Variants in DCLK1 observed in about 807,000 individuals in gnomAD.
The protein encoded by DCLK1 is doublecortin like kinase 1, also known as serine/threonine-protein kinase DCLK1.
DCLK1 carries 16 observed loss-of-function variants against 86.2 expected under a neutral mutation model. The ratio of observed to expected loss-of-function variants is 0.19; its 90% CI spans 0.13 to 0.28. The LOEUF is 0.28. Among genes scored for constraint, DCLK1 ranks in the 10% least tolerant of loss-of-function variants. DCLK1 has a pLI of 1.00. For missense variants in DCLK1, 590 were observed against 940.2 expected, an observed-to-expected ratio of 0.63 and a Z score of 4.87; for synonymous variants, 369 against 370.5, an observed-to-expected ratio of 1.00 and a Z score of 0.05.
chr13:36,094,455 C>T (rs1884934460), intron 3 of DCLK1, among the ~76,000 whole-genome samples: 1 of 152,174 alleles, frequency 6.6e-6, no homozygotes, highest in Non-Finnish European at 1.5e-5. Context: ...GAGCTATCAG[C>T]TGTTGGTGTT....
chr13:35,863,123 G>A (rs906825718), intron 5 of DCLK1, among the ~76,000 whole-genome samples: 6 of 152,174 alleles, frequency 3.9e-5, no homozygotes, highest in African/African-American at 1.2e-4. Flanking sequence ...ATACCACATA[G>A]CCATGTGTGT....
At chr13:35,921,455 C>A (rs914055934) in intron 4 of DCLK1, among the ~76,000 whole-genome samples, 1 of 152,168 alleles carries the variant, frequency 6.6e-6, no homozygotes, top group African/African-American at 2.4e-5. Context: ...AGCAGAAATT[C>A]GACTTCCTCA....
intron 3 of DCLK1, among the ~76,000 whole-genome samples, chr13:36,101,704 C>T (rs769324437): frequency 1.9e-4 from 29 of 152,092 alleles, no homozygotes; most frequent in Non-Finnish European, 3.4e-4. Flanking sequence ...GCTGCTGTCC[C>T]GGGACCACTC....
chr13:35,887,510 C>T (rs950820231), intron 4 of DCLK1, among the ~76,000 whole-genome samples: 7 of 152,198 alleles, frequency 4.6e-5, no homozygotes, highest in Admixed American at 4.6e-4. Context: ...CAGCCCTCTC[C>T]TGTCATCTGC....
intron 3 of DCLK1, among the ~76,000 whole-genome samples, chr13:36,049,208 C>A (rs73525213): frequency 6.6e-6 from 1 of 152,054 alleles, no homozygotes; most frequent in African/African-American, 2.4e-5. Context: ...GATTGAAGAG[C>A]CTGTGTACTA....
chr13:36,020,901 T>C (rs1366388890), intron 3 of DCLK1, among the ~76,000 whole-genome samples: 2 of 152,178 alleles, frequency 1.3e-5, no homozygotes, highest in Non-Finnish European at 2.9e-5. Flanking sequence ...AGACATTAAC[T>C]TAATTCCACA....
chr13:36,101,230 C>G (rs562339631), intron 3 of DCLK1, among the ~76,000 whole-genome samples: 1 of 152,322 alleles, frequency 6.6e-6, no homozygotes, highest in South Asian at 2.1e-4. Context: ...CCTCGGGATC[C>G]GTGTTTCCAC....
chr13:36,062,471 A>G (rs1883586538), intron 3 of DCLK1, among the ~76,000 whole-genome samples: 1 of 152,178 alleles, frequency 6.6e-6, no homozygotes, highest in South Asian at 2.1e-4. Context: ...CCTAGACAGA[A>G]AGGCACCTGG....
intron 6 of DCLK1, among the ~76,000 whole-genome samples, chr13:35,844,946 G>A (rs1870065471): frequency 6.6e-6 from 1 of 152,162 alleles, no homozygotes; most frequent in African/African-American, 2.4e-5. Context: ...AATGGTAATT[G>A]CAATATAAAA....
chr13:35,856,216 A>G (rs1160275250), intron 5 of DCLK1, among the ~76,000 whole-genome samples: 4 of 152,204 alleles, frequency 2.6e-5, no homozygotes, highest in Admixed American at 6.5e-5. Context: ...GAAAGCTGAG[A>G]ATGCTTTAAT....
Position 35,914,369 on chromosome 13 carries a change from GTA to G in DCLK1, c.823+32987_823+32988del, listed in dbSNP as rs34226717. Among the ~76,000 whole-genome samples, 162 of 117,730 alleles carry G rather than the reference GTA, an allele frequency of 1.4e-3. 2 individuals carry two copies. The highest frequency in any genetic ancestry group is 7.3e-3 in the East Asian group (32 of 4,358). 77.2% of individuals were successfully genotyped at this position (117,730 alleles called of 152,430 possible). A position where few individuals can be genotyped will look rare whatever the true frequency, so the allele number is the denominator to read the frequency against. Reference sequence around the variant, plus strand: ...TATATACATATATATATATATATATGTATATATATATATATATATATAAGCAA... The same window carrying G: ...TATATACATATATATATATATATATGTATATATATATATATATATAAGCAA... On this transcript the variant is annotated intron_variant, in intron 4 of 16. Transcript: ENST00000360631.
intron 15 of DCLK1, among the ~76,000 whole-genome samples, chr13:35,804,672 A>T (rs2086990592): frequency 6.6e-6 from 1 of 152,136 alleles, no homozygotes; most frequent in South Asian, 2.1e-4. Flanking sequence ...GCTTCAAGCG[A>T]TCTGCCGGCC....
chr13:36,001,140 G>A (rs1330637235), intron 3 of DCLK1, among the ~76,000 whole-genome samples: 2 of 152,020 alleles, frequency 1.3e-5, no homozygotes, highest in African/African-American at 4.8e-5. Flanking sequence ...TAGAGATGGG[G>A]TTTCTACATG....
intron 4 of DCLK1, among the ~76,000 whole-genome samples, chr13:35,890,732 G>A (rs191463520): frequency 7.9e-5 from 12 of 151,788 alleles, no homozygotes. Context: ...TTCCTTACCT[G>A]TTTGAGAAAA....
At chr13:35,785,007 A>G (rs966753882) in intron 16 of DCLK1, among the ~76,000 whole-genome samples, 4 of 152,034 alleles carry the variant, frequency 2.6e-5, no homozygotes, top group African/African-American at 9.7e-5. Flanking sequence ...CTGCCTCATT[A>G]CTCACTGTTT....
chr13:36,106,721 C>A (rs565994746), intron 3 of DCLK1, among the ~76,000 whole-genome samples: 1 of 152,234 alleles, frequency 6.6e-6, no homozygotes, highest in East Asian at 1.9e-4. Flanking sequence ...AGAAAACCTC[C>A]TTTCCCATTC....
intron 3 of DCLK1, among the ~76,000 whole-genome samples, chr13:36,062,857 G>A (rs149172923): frequency 1.9e-4 from 29 of 152,300 alleles, no homozygotes; most frequent in Admixed American, 5.9e-4. Flanking sequence ...TTGACAATAT[G>A]TTCAGGTCAC....
rs1159325515 is a variant in DCLK1 at position 35,890,869 on chromosome 13, CT to C, written c.824-19530del. Among the ~76,000 whole-genome samples, 5 of 91,322 alleles carry C rather than the reference CT, an allele frequency of 5.5e-5. No individual in the cohort carries two copies. The South Asian group carries it at 1.4e-3, about 25-fold the overall frequency. The allele number at this position is 91,322 out of a possible 152,430, so 59.9% of individuals were successfully genotyped here. A position where few individuals can be genotyped will look rare whatever the true frequency, so the allele number is the denominator to read the frequency against. ...TAAATTGCCTGTTAATATCCCTCTGCTTTTTTTTCTGTTTTTTTTTTCACCT... is the reference window on the plus strand; with the variant it reads ...TAAATTGCCTGTTAATATCCCTCTGCTTTTTTTCTGTTTTTTTTTTCACCT... On this transcript the variant is annotated intron_variant, in intron 4 of 16. Coordinates refer to ENST00000360631, the MANE Select transcript of DCLK1 (RefSeq NM_001330071.2).
intron 3 of DCLK1, among the ~76,000 whole-genome samples, chr13:36,002,126 A>G (rs942302253): frequency 6.6e-6 from 1 of 152,204 alleles, no homozygotes; most frequent in African/African-American, 2.4e-5. Flanking sequence ...TGGCCAATTC[A>G]AGGCTTGGTG....
Sources: allele counts gnomAD v4.1 joint callset (sites outside exome capture counted in the v4.1 genomes callset), GRCh38; gene constraint gnomAD v4.1.1; transcripts MANE v1.5; gene names NCBI Gene and HGNC (gene_info 2026-07-23, HGNC 2026-07-21).